CMTM8: variants seen among roughly 807,000 people sequenced by gnomAD.
The protein encoded by CMTM8 is CKLF-like MARVEL transmembrane domain-containing protein 8.
A neutral mutation model predicts 18.6 loss-of-function variants in CMTM8; 12 were observed. The ratio of observed to expected loss-of-function variants is 0.65; its 90% confidence interval spans 0.41 to 1.05. The LOEUF (loss-of-function observed/expected upper bound fraction) is 1.05. Ranked by LOEUF, CMTM8 falls within the 50% of genes least tolerant of loss-of-function variation. The pLI is 0.00. For missense variants in CMTM8, 217 were observed against 227.2 expected (o/e 0.95, Z 0.29); for synonymous variants, 87 against 90.6 (o/e 0.96, Z 0.23).
intron 1 of CMTM8, among the ~76,000 whole-genome samples, chr3:32,242,053 A>T (rs1392397045): frequency 6.6e-6 from 1 of 151,670 alleles, no homozygotes; most frequent in Non-Finnish European, 1.5e-5. Flanking sequence ...CTGCACCATC[A>T]CTCTGAAGAT....
At chr3:32,298,684 G>A (rs924834997) in intron 1 of CMTM8, among the ~76,000 whole-genome samples, 2 of 150,662 alleles carry the variant, frequency 1.3e-5, no homozygotes, top group African/African-American at 4.9e-5. Context: ...CACCCAGGCT[G>A]GAGTGCAGTG....
chr3:32,311,659 C>T (rs1324902499), intron 1 of CMTM8, among the ~76,000 whole-genome samples: 1 of 152,220 alleles, frequency 6.6e-6, no homozygotes, highest in Non-Finnish European at 1.5e-5. Flanking sequence ...CATAGTCAGC[C>T]CACTTCTGTG....
chr3:32,308,964 T>C (rs965793769), intron 1 of CMTM8, among the ~76,000 whole-genome samples: 1 of 152,124 alleles, frequency 6.6e-6, no homozygotes, highest in Non-Finnish European at 1.5e-5. Context: ...CCAAAAGGGA[T>C]TGGCCCCTGT....
chr3:32,365,094 C>T (rs776634593), intron 2 of CMTM8, among the ~76,000 whole-genome samples: 9 of 152,200 alleles, frequency 5.9e-5, no homozygotes, highest in African/African-American at 1.7e-4. Context: ...CCTGTCACCC[C>T]GAGGCTGCCA....
intron 1 of CMTM8, among the ~76,000 whole-genome samples, chr3:32,339,298 G>T (rs1696447905): frequency 6.6e-6 from 1 of 152,178 alleles, no homozygotes; most frequent in African/African-American, 2.4e-5. Flanking sequence ...AAAGTCCTAA[G>T]CAAGAATAAG....
chr3:32,323,825 G>A (rs1233194668), intron 1 of CMTM8, among the ~76,000 whole-genome samples: 3 of 152,192 alleles, frequency 2.0e-5, no homozygotes, highest in Non-Finnish European at 4.4e-5. Flanking sequence ...CTTTGAAAAC[G>A]TGGATAAAAT....
chr3:32,259,518 T>TCACTA, intron 1 of CMTM8: 1 of 783,858 alleles, frequency 1.3e-6, no homozygotes, highest in South Asian at 1.3e-5. Context: ...GACACCAATG[T>TCACTA]CACTCGGCTG....
At chr3:32,239,960 A>G (rs1269908602) in intron 1 of CMTM8, among the ~76,000 whole-genome samples, 1 of 152,170 alleles carries the variant, frequency 6.6e-6, no homozygotes, top group African/African-American at 2.4e-5. Context: ...GTGGATGGTG[A>G]AGCATGGATT....
intron 1 of CMTM8, among the ~76,000 whole-genome samples, chr3:32,347,297 G>GTTTTTTTTTTTTTTTTTTTT (rs56826485): frequency 4.4e-5 from 6 of 136,532 alleles, no homozygotes; most frequent in South Asian, 2.4e-4. Context: ...TTTTGCTTAG[G>GTTTTTTTTTTTTTTTTTTTT]TTTTTTTTTT....
intron 1 of CMTM8, among the ~76,000 whole-genome samples, chr3:32,303,719 C>G: frequency 6.6e-6 from 1 of 152,032 alleles, no homozygotes; most frequent in Non-Finnish European, 1.5e-5. Context: ...TCCTCACTTA[C>G]ATTTGCCAGC....
chr3:32,299,924 C>T (rs1467819092), intron 1 of CMTM8, among the ~76,000 whole-genome samples: 1 of 152,164 alleles, frequency 6.6e-6, no homozygotes, highest in African/African-American at 2.4e-5. Flanking sequence ...AAAGCAGCCA[C>T]GGGTAATACA....
At chr3:32,284,432 G>A (rs1325076040) in intron 1 of CMTM8, among the ~76,000 whole-genome samples, 1 of 152,206 alleles carries the variant, frequency 6.6e-6, no homozygotes, top group Non-Finnish European at 1.5e-5. Flanking sequence ...CAGTGCCCAG[G>A]GAAGCGGAGT....
Position 32,368,682 on chromosome 3 carries a change from G to A in CMTM8, c.438+694G>A, listed in dbSNP as rs141490573. Among the ~76,000 whole-genome samples the A allele has an allele frequency of 2.7e-3, 414 of 152,182 alleles. 2 individuals are homozygous for A. Among genetic ancestry groups the A allele is most frequent in the African/African-American group, 9.9e-3 (410 of 41,520 alleles). On this transcript the variant is annotated intron_variant, in intron 3 of 3. Transcript: ENST00000307526. ...TCACTATGTTGCACAGGCTGGTCTG[G>A]ATTTCCTGGGCTCAAGTGAGCTTCC... is the stretch of plus-strand genomic sequence containing the variant.
intron 1 of CMTM8, among the ~76,000 whole-genome samples, chr3:32,339,835 C>T (rs1448155347): frequency 6.6e-6 from 1 of 152,078 alleles, no homozygotes; most frequent in African/African-American, 2.4e-5. Context: ...ATGTGGCTGG[C>T]GCCTGTAGTC....
intron 1 of CMTM8, chr3:32,259,352 C>T: frequency 1.3e-6 from 1 of 745,396 alleles, no homozygotes; most frequent in Non-Finnish European, 2.5e-6. Context: ...CCTGAGGGCT[C>T]AGGTCTTCTC....
At chr3:32,263,404 G>A (rs910177433) in intron 1 of CMTM8, among the ~76,000 whole-genome samples, 1 of 152,166 alleles carries the variant, frequency 6.6e-6, no homozygotes, top group African/African-American at 2.4e-5. Context: ...CTGTTAGAAG[G>A]AAAACTAACA....
chr3:32,290,181 C>T (rs1255915535), intron 1 of CMTM8, among the ~76,000 whole-genome samples: 1 of 152,052 alleles, frequency 6.6e-6, no homozygotes, highest in Non-Finnish European at 1.5e-5. Context: ...GACAAAAATC[C>T]AAGAGAATTT....
chr3:32,246,184 C>T (rs1408844345), intron 1 of CMTM8, among the ~76,000 whole-genome samples: 1 of 152,138 alleles, frequency 6.6e-6, no homozygotes, highest in African/African-American at 2.4e-5. Context: ...GTGCTGGATA[C>T]CTTCCATTTG....
chr3:32,256,224 G>A lies in CMTM8; in HGVS notation c.147+17105G>A, dbSNP rs551712872. 7.0e-4 allele frequency among the ~76,000 whole-genome samples: 53 copies of A among 75,460 alleles called. No individual in the cohort carries two copies. The South Asian group carries it at 0.024, about 34-fold the overall frequency. The allele number at this position is 75,460 out of a possible 152,430, so 49.5% of individuals were successfully genotyped here. A position where few individuals can be genotyped will look rare whatever the true frequency, so the allele number is the denominator to read the frequency against. The stretch of plus-strand genomic sequence containing the variant: ...TGGGATCACAGGTGTGCACCACCAA[G>A]CCTGGATAATTTTTTTTTATTTTTT... On this transcript the variant is annotated intron_variant, in intron 1 of 3. Transcript: ENST00000307526.
Sources: gnomAD v4.1 joint callset for allele counts (sites outside exome capture counted in the v4.1 genomes callset) on GRCh38, gnomAD v4.1.1 for gene constraint, MANE v1.5 for transcripts, NCBI Gene and HGNC (gene_info 2026-07-23, HGNC 2026-07-21) for gene names.